Variants in SLCO2A1 observed in about 807,000 individuals in gnomAD.
The protein encoded by SLCO2A1 is solute carrier organic anion transporter family member 2A1.
Under a neutral mutation model 71.7 loss-of-function variants are expected in SLCO2A1, and 60 were observed. The observed-to-expected ratio is 0.84, with a 90% CI of 0.68 to 1.04. The LOEUF (loss-of-function observed/expected upper bound fraction) is 1.04. SLCO2A1 is among the 50% of genes least tolerant of loss of function. The probability of loss-of-function intolerance (pLI) is 0.00; values close to 1 mark genes in which losing one functional copy is unlikely to be tolerated. For synonymous variants in SLCO2A1, 308 were observed against 326.7 expected, an observed-to-expected ratio of 0.94 and a Z score of 0.62; for missense variants, 745 against 813.4, an observed-to-expected ratio of 0.92 and a Z score of 1.02.
At chr3:133,980,926 T>C (rs1038246476) in intron 1 of SLCO2A1, among the ~76,000 whole-genome samples, 27 of 152,260 alleles carry the variant, frequency 1.8e-4, no homozygotes, top group African/African-American at 6.3e-4. Flanking sequence ...TCCTCCCAGG[T>C]GGTAGAAGGA....
Position 133,975,072 on chromosome 3 carries a change from T to G in SLCO2A1, c.235-1247A>C, listed in dbSNP as rs113393293. 5.1e-3 allele frequency among the ~76,000 whole-genome samples: 784 copies of G among 152,314 alleles called. 9 individuals carry two copies. Among genetic ancestry groups the G allele is most frequent in the African/African-American group, 0.018 (732 of 41,560 alleles). Reference sequence around the variant, plus strand: ...TGCTTCCCTTCCCCTGTCTGCTCCTTCTCGGTCTTCTTGGCTTATTCCTCT... The same window carrying G: ...TGCTTCCCTTCCCCTGTCTGCTCCTGCTCGGTCTTCTTGGCTTATTCCTCT... On this transcript the variant is annotated intron_variant, in intron 2 of 13. Transcript: ENST00000310926.
intron 11 of SLCO2A1, among the ~76,000 whole-genome samples, chr3:133,941,191 C>T (rs1475402053): frequency 6.6e-6 from 1 of 152,172 alleles, no homozygotes; most frequent in Non-Finnish European, 1.5e-5. Flanking sequence ...TCCCAGATCC[C>T]AACAAGTGGC....
At chr3:133,945,412 T>C (rs1183621968) in intron 9 of SLCO2A1, 152 bp from the exon 10 acceptor site, 12 of 740,004 alleles carry the variant, frequency 1.6e-5, no homozygotes, top group Non-Finnish European at 2.2e-5. Flanking sequence ...GAATTATGCC[T>C]GGTGGAGCCA....
At chr3:133,969,682 T>G (rs1934282061) in intron 3 of SLCO2A1, among the ~76,000 whole-genome samples, 1 of 152,146 alleles carries the variant, frequency 6.6e-6, no homozygotes, top group South Asian at 2.1e-4. Context: ...GCTTATTTCA[T>G]TTTACTTTTA....
Position 133,982,648 on chromosome 3 carries a change from C to T in SLCO2A1, c.97-3030G>A, listed in dbSNP as rs1934620567. Among the ~76,000 whole-genome samples, 3 of 152,234 alleles carry T rather than the reference C, an allele frequency of 2.0e-5. No individual in the cohort carries two copies. In the South Asian group the frequency reaches 6.2e-4, roughly 32 times the overall value. On this transcript the variant is annotated intron_variant, in intron 1 of 13. Coordinates refer to ENST00000310926, the MANE Select transcript of SLCO2A1 (RefSeq NM_005630.3). ...CTCTGGTGTTTGCCCCATCCCTCAG[C>T]CCCATGGTCTCTTCTTGGTGTCTCC...
chr3:133,949,281 C>T, intron 6 of SLCO2A1: 1 of 330,930 alleles, frequency 3.0e-6, no homozygotes, highest in Non-Finnish European at 5.7e-6. Flanking sequence ...CTGGACCCCA[C>T]CCCTCACCCC....
At chr3:133,945,001 C>G in intron 10 of SLCO2A1, 94 bp downstream of exon 10, 1 of 1,417,758 alleles carries the variant, frequency 7.1e-7, no homozygotes. Context: ...GGAGCCCTGC[C>G]TATCCTGGAG....
chr3:134,025,777 G>A (rs1417086149), intron 1 of SLCO2A1, among the ~76,000 whole-genome samples: 1 of 152,124 alleles, frequency 6.6e-6, no homozygotes, highest in African/African-American at 2.4e-5. Flanking sequence ...GATCCTCGCT[G>A]GAAAAAAGAG....
At chr3:133,989,509 C>T (rs1039200159) in intron 1 of SLCO2A1, among the ~76,000 whole-genome samples, 1 of 152,210 alleles carries the variant, frequency 6.6e-6, no homozygotes, top group African/African-American at 2.4e-5. Context: ...GCATCCAGTC[C>T]TCCCATTCCA....
chr3:133,957,098 G>A (rs1331535176), intron 3 of SLCO2A1, among the ~76,000 whole-genome samples: 1 of 152,046 alleles, frequency 6.6e-6, no homozygotes, highest in East Asian at 1.9e-4. Flanking sequence ...TCTGCTCTAG[G>A]CTCTAGGCCT....
chr3:133,989,794 T>TA (rs1346736559), intron 1 of SLCO2A1, among the ~76,000 whole-genome samples: 2 of 152,214 alleles, frequency 1.3e-5, no homozygotes, highest in Non-Finnish European at 2.9e-5. Context: ...TTTCTTGACT[T>TA]ACCATTTTAT....
At chr3:133,943,186 T>C (rs1375981752) in intron 10 of SLCO2A1, among the ~76,000 whole-genome samples, 1 of 152,226 alleles carries the variant, frequency 6.6e-6, no homozygotes, top group Non-Finnish European at 1.5e-5. Flanking sequence ...AGGAGGGCAG[T>C]GGGAACACAG....
intron 11 of SLCO2A1, chr3:133,942,328 G>A (rs1206501382): frequency 1.6e-5 from 5 of 318,274 alleles, no homozygotes; most frequent in African/African-American, 4.3e-5. Flanking sequence ...GTGCAGAGTG[G>A]AGGCGCCAAC....
At chr3:133,985,337 A>G (rs768458345) in intron 1 of SLCO2A1, among the ~76,000 whole-genome samples, 5 of 152,216 alleles carry the variant, frequency 3.3e-5, no homozygotes, top group Non-Finnish European at 7.3e-5. Context: ...ATGCTTCTTT[A>G]ACTATGTAAC....
chr3:133,948,543 G>C lies in SLCO2A1; in HGVS notation c.1098C>G (p.Phe366Leu). 1 of 1,613,688 alleles carries C rather than the reference G, an allele frequency of 6.2e-7. No homozygotes were observed. The highest frequency in any genetic ancestry group is 1.1e-5 in the South Asian group (1 of 90,968). The change falls in exon 8 of 14, where the codon TTC becomes TTG. Residue 366 changes from phenylalanine (F) to leucine (L), a missense_variant. Coordinates refer to ENST00000310926, the MANE Select transcript of SLCO2A1 (RefSeq NM_005630.3). ...AGCACCCTCTGGGCTCACCAATGAG[G>C]AAGTTGGCATAGGCTGCTGAGGTGC... is the stretch of plus-strand genomic sequence containing the variant. ...QYGTSAAYANFLIGAVNLPAA... is the reference protein window; with the variant it reads ...QYGTSAAYANLLIGAVNLPAA...
Position 133,934,813 on chromosome 3 carries a change from A to C in SLCO2A1, c.1832T>G (p.Met611Arg), listed in dbSNP as rs373024653. Reference protein sequence around the residue: ...ALRDRYLGLQMGYKALGMLLL... With the variant: ...ALRDRYLGLQRGYKALGMLLL... ...CAGCATGCCCAGCGCCTTGTAGCCCATCTGCAGGCCCAGGTACCTGTGGGC... is the reference window on the plus strand; with the variant it reads ...CAGCATGCCCAGCGCCTTGTAGCCCCTCTGCAGGCCCAGGTACCTGTGGGC... The change falls in exon 14 of 14, where the codon ATG becomes AGG. Residue 611 changes from methionine to arginine, a missense_variant. Transcript: ENST00000310926. 6.2e-7 allele frequency: 1 copy of C among 1,611,114 alleles called. No individual in the cohort carries two copies. Among genetic ancestry groups the C allele is most frequent in the African/African-American group, 1.3e-5 (1 of 74,820 alleles).
intron 1 of SLCO2A1, among the ~76,000 whole-genome samples, chr3:134,002,993 G>A (rs1935134204): frequency 1.3e-5 from 2 of 152,214 alleles, no homozygotes; most frequent in African/African-American, 2.4e-5. Flanking sequence ...AACTCCACAC[G>A]GAGGGTCTGG....
At chr3:133,993,850 G>A (rs987352453) in intron 1 of SLCO2A1, among the ~76,000 whole-genome samples, 1 of 152,166 alleles carries the variant, frequency 6.6e-6, no homozygotes, top group Non-Finnish European at 1.5e-5. Context: ...CTAATAATAG[G>A]ATGGGATGTC....
intron 2 of SLCO2A1, among the ~76,000 whole-genome samples, chr3:133,975,750 G>A (rs1934427110): frequency 6.6e-6 from 1 of 152,030 alleles, no homozygotes; most frequent in African/African-American, 2.4e-5. Flanking sequence ...TGCTCCTTCT[G>A]ACTTTACGTC....
Sources: gnomAD v4.1 joint callset for allele counts (sites outside exome capture counted in the v4.1 genomes callset) on GRCh38, gnomAD v4.1.1 for gene constraint, MANE v1.5 for transcripts, NCBI Gene and HGNC (gene_info 2026-07-23, HGNC 2026-07-21) for gene names.